Variants in HEBP1 observed in about 807,000 individuals in gnomAD.
HEBP1 encodes the protein heme binding protein 1.
HEBP1 carries 13 observed loss-of-function variants against 20.4 expected under a neutral mutation model. That is an observed-to-expected ratio of 0.64 (90% CI 0.42 to 1.01). HEBP1 has a LOEUF of 1.01. Among genes scored for constraint, HEBP1 ranks in the 50% least tolerant of loss-of-function variants. HEBP1 has a pLI of 0.00. For missense variants in HEBP1, 241 were observed against 247.3 expected, an observed-to-expected ratio of 0.97 and a Z score of 0.17; for synonymous variants, 92 against 90.7, an observed-to-expected ratio of 1.01 and a Z score of -0.08.
chr12:12,981,699 C>T (rs981806643), intron 3 of HEBP1, among the ~76,000 whole-genome samples: 6 of 152,184 alleles, frequency 3.9e-5, no homozygotes, highest in African/African-American at 1.4e-4. Context: ...TACTGTTAGA[C>T]ACCTAAAATA....
chr12:12,997,726 G>A (rs1424913103), intron 1 of HEBP1, among the ~76,000 whole-genome samples: 1 of 152,214 alleles, frequency 6.6e-6, no homozygotes, highest in Non-Finnish European at 1.5e-5. Flanking sequence ...TGAGGGCACA[G>A]GCCACGAACC....
chr12:12,994,120 T>C (rs1864263357), intron 1 of HEBP1, among the ~76,000 whole-genome samples: 1 of 152,222 alleles, frequency 6.6e-6, no homozygotes, highest in East Asian at 1.9e-4. Flanking sequence ...TATTGTACAA[T>C]GCAGTAAATG....
intron 3 of HEBP1, among the ~76,000 whole-genome samples, chr12:12,985,343 G>T (rs1441475807): frequency 2.0e-5 from 3 of 152,112 alleles, no homozygotes; most frequent in African/African-American, 7.2e-5. Flanking sequence ...GGTAGGGCTG[G>T]GTGAATGCTG....
intron 2 of HEBP1, among the ~76,000 whole-genome samples, chr12:12,988,533 A>G (rs1864179965): frequency 6.6e-6 from 1 of 152,228 alleles, no homozygotes; most frequent in African/African-American, 2.4e-5. Flanking sequence ...TTAGCTCTCT[A>G]AATTATCAGC....
chr12:12,974,902 G>T lies in HEBP1; in HGVS notation c.*406C>A. The T allele has an allele frequency of 5.4e-6, 1 of 186,576 alleles. No individual in the cohort carries two copies. The highest frequency in any genetic ancestry group is 1.1e-5 in the Non-Finnish European group (1 of 89,060). The allele number at this position is 186,576 out of a possible 1,614,324, so 11.6% of individuals were successfully genotyped here. A position where few individuals can be genotyped will look rare whatever the true frequency, so the allele number is the denominator to read the frequency against. The stretch of plus-strand genomic sequence containing the variant: ...TTTAAGTCAATGCCTTTTATTTTTA[G>T]TTTTTCTGAAGACAAAGCTCTTATA... On this transcript the variant is annotated 3_prime_UTR_variant, in exon 4 of 4. Coordinates refer to ENST00000014930, the MANE Select transcript of HEBP1 (RefSeq NM_015987.5).
At chr12:12,989,163 G>C in intron 2 of HEBP1, 114 bp downstream of exon 2, 2 of 1,146,530 alleles carry the variant, frequency 1.7e-6, no homozygotes, top group East Asian at 2.4e-5. Flanking sequence ...ACAGGTCATT[G>C]AAACAGGTCA....
intron 2 of HEBP1, 83 bp from the exon 3 acceptor site, chr12:12,987,415 G>A (rs950156796): frequency 3.9e-6 from 4 of 1,028,852 alleles, no homozygotes; most frequent in East Asian, 2.5e-5. Context: ...AGTTCCATTC[G>A]TCTTTCAAAG....
intron 1 of HEBP1, among the ~76,000 whole-genome samples, chr12:12,989,925 C>T (rs1314049199): frequency 1.3e-5 from 2 of 152,092 alleles, no homozygotes; most frequent in African/African-American, 4.8e-5. Context: ...TTTCCCTTGG[C>T]CTCCTTGGGG....
At chr12:12,983,269 G>A (rs1864109618) in intron 3 of HEBP1, 1 of 166,860 alleles carries the variant, frequency 6.0e-6, no homozygotes, top group Non-Finnish European at 1.3e-5. Context: ...GTTGCTGCTG[G>A]TCTAAGTGTG....
At chr12:12,989,944 C>T (rs998141277) in intron 1 of HEBP1, among the ~76,000 whole-genome samples, 3 of 152,086 alleles carry the variant, frequency 2.0e-5, no homozygotes, top group Admixed American at 6.5e-5. Context: ...GGGACTGGAT[C>T]CAGGACCTCT....
chr12:12,976,087 A>C (rs1179204300), intron 3 of HEBP1, among the ~76,000 whole-genome samples: 2 of 151,572 alleles, frequency 1.3e-5, no homozygotes, highest in Admixed American at 6.6e-5. Flanking sequence ...CAAAAAAAAA[A>C]AAAAAAAAAA....
At chr12:12,981,120 C>T (rs894809776) in intron 3 of HEBP1, among the ~76,000 whole-genome samples, 7 of 149,984 alleles carry the variant, frequency 4.7e-5, no homozygotes, top group African/African-American at 1.7e-4. Context: ...GAAGGGACAG[C>T]TGGGAGCTGA....
intron 3 of HEBP1, chr12:12,979,953 G>A (rs1864053866): frequency 6.6e-6 from 1 of 152,196 alleles, no homozygotes; most frequent in African/African-American, 2.4e-5. Flanking sequence ...GAGGGAAGTG[G>A]GGCTTTCGTC....
chr12:12,993,828 TATC>T (rs1864259321), intron 1 of HEBP1, among the ~76,000 whole-genome samples: 1 of 152,184 alleles, frequency 6.6e-6, no homozygotes, highest in African/African-American at 2.4e-5. Flanking sequence ...AACAGAATGT[TATC>T]ATCTAATGAT....
At position 12,977,988 on chromosome 12, in the gene HEBP1, T is replaced by C. The variant is rs551218187; in HGVS notation, c.399-2509A>G. 6.6e-5 allele frequency among the ~76,000 whole-genome samples: 10 copies of C among 152,276 alleles called. No homozygotes were observed. The South Asian group carries it at 8.3e-4, about 13-fold the overall frequency. On this transcript the variant is annotated intron_variant, in intron 3 of 3. Transcript: ENST00000014930. ...AACAATGAAAGTGATGTCTTCAGCCTGACAGAGCTAAAGATGACAGCACTT... is the reference window on the plus strand; with the variant it reads ...AACAATGAAAGTGATGTCTTCAGCCCGACAGAGCTAAAGATGACAGCACTT...
At position 13,000,227 on chromosome 12, in the gene HEBP1, C is replaced by CGGAAGGGT. The variant is rs1565496042; in HGVS notation, c.-114_-113insACCCTTCC. The CGGAAGGGT allele has an allele frequency of 1.3e-5, 5 of 392,456 alleles. No individual in the cohort carries two copies. Among genetic ancestry groups the CGGAAGGGT allele is most frequent in the African/African-American group, 1.1e-4 (5 of 47,170 alleles). The allele number at this position is 392,456 out of a possible 1,614,324, so 24.3% of individuals were successfully genotyped here. On this transcript the variant is annotated 5_prime_UTR_variant, in exon 1 of 4. Coordinates refer to ENST00000014930, the MANE Select transcript of HEBP1 (RefSeq NM_015987.5). Reference sequence around the variant, plus strand: ...GCGGCAGGGCGGCAGGGCGGCAGGGCGGCAGGGTGGCAGGGCGGCAAGGCG... The same window carrying CGGAAGGGT: ...GCGGCAGGGCGGCAGGGCGGCAGGGCGGAAGGGTGGCAGGGTGGCAGGGCGGCAAGGCG...
rs1469198821 is a variant in HEBP1, at chr12:12,998,399, C to T, written c.78+1638G>A. 2.0e-5 allele frequency among the ~76,000 whole-genome samples: 3 copies of T among 152,156 alleles called. No individual in the cohort carries two copies. Among genetic ancestry groups the T allele is most frequent in the Non-Finnish European group, 2.9e-5 (2 of 68,024 alleles). On this transcript the variant is annotated intron_variant, in intron 1 of 3. Transcript: ENST00000014930. The surrounding 1 kb of genome is among the most constrained non-coding windows in gnomAD (Gnocchi z 4.2). ...AATTTGGCAACACTGTTTCATATAT[C>T]ACTGCATAGCAACAAGTGGCTGGAA...
intron 1 of HEBP1, among the ~76,000 whole-genome samples, chr12:12,990,128 AC>A (rs1864202530): frequency 7.3e-6 from 1 of 136,546 alleles, no homozygotes; most frequent in African/African-American, 3.3e-5. Flanking sequence ...ACACACACAC[AC>A]ACACACACAC....
chr12:12,976,691 A>G (rs980984717), intron 3 of HEBP1, among the ~76,000 whole-genome samples: 6 of 152,242 alleles, frequency 3.9e-5, no homozygotes, highest in African/African-American at 1.4e-4. Context: ...TCCAATGTCT[A>G]GACAACAGCT....
Sources: allele counts gnomAD v4.1 joint callset (sites outside exome capture counted in the v4.1 genomes callset), GRCh38; gene constraint gnomAD v4.1.1; non-coding constraint Gnocchi (gnomAD v3.1); transcripts MANE v1.5; gene names NCBI Gene and HGNC (gene_info 2026-07-23, HGNC 2026-07-21).